Variants in NR6A1 observed in about 807,000 individuals in gnomAD.
NR6A1 encodes the protein retinoic acid receptor-related testis-associated receptor.
NR6A1 carries 7 observed loss-of-function variants against 59.1 expected under a neutral mutation model. The observed-to-expected ratio is 0.12, with a 90% CI of 0.07 to 0.22. NR6A1 has a LOEUF of 0.22. NR6A1 is among the 10% of genes least tolerant of loss of function. The probability of loss-of-function intolerance (pLI) is 1.00; values close to 1 mark genes in which losing one functional copy is unlikely to be tolerated. For missense variants in NR6A1, 468 were observed against 611.6 expected, an observed-to-expected ratio of 0.77 and a Z score of 2.48; for synonymous variants, 243 against 236.1, an observed-to-expected ratio of 1.03 and a Z score of -0.27.
chr9:124,524,248 T>A lies in NR6A1; in HGVS notation c.1354+473A>T, dbSNP rs1183686504. Among the ~76,000 whole-genome samples, 3 of 152,202 alleles carry A rather than the reference T, an allele frequency of 2.0e-5. No individual in the cohort carries two copies. The South Asian group carries it at 6.2e-4, about 31-fold the overall frequency. ...CTGGGATTACAGGCAGGAGCCACTG[T>A]GCCCAGCTAAAGATATCACTTTAAA... On this transcript the variant is annotated intron_variant, in intron 9 of 9. Coordinates refer to ENST00000487099, the MANE Select transcript of NR6A1 (RefSeq NM_033334.4).
intron 1 of NR6A1, among the ~76,000 whole-genome samples, chr9:124,738,301 T>C (rs1026076621): frequency 2.6e-5 from 4 of 152,002 alleles, no homozygotes; most frequent in African/African-American, 7.2e-5. Context: ...GCTTCATAAA[T>C]AAACAAACAT....
At chr9:124,759,364 C>A (rs1840725199) in intron 1 of NR6A1, among the ~76,000 whole-genome samples, 1 of 152,174 alleles carries the variant, frequency 6.6e-6, no homozygotes, top group African/African-American at 2.4e-5. Context: ...ACAGGAGAAC[C>A]ATGTTTCCAA....
intron 2 of NR6A1, among the ~76,000 whole-genome samples, chr9:124,676,063 T>C (rs1032297780): frequency 2.6e-5 from 4 of 152,118 alleles, no homozygotes; most frequent in Non-Finnish European, 4.4e-5. Flanking sequence ...AAGGTGTGAA[T>C]TGCCCCTCTG....
At chr9:124,553,938 T>C (rs574646001) in intron 3 of NR6A1, among the ~76,000 whole-genome samples, 1 of 152,288 alleles carries the variant, frequency 6.6e-6, no homozygotes, top group Admixed American at 6.5e-5. Flanking sequence ...ATGCCTAGCC[T>C]CTGAGTACAC....
intron 2 of NR6A1, among the ~76,000 whole-genome samples, chr9:124,565,024 C>G (rs1049259406): frequency 6.6e-6 from 1 of 151,884 alleles, no homozygotes; most frequent in Non-Finnish European, 1.5e-5. Flanking sequence ...AAAATGAAAC[C>G]CAATTCTACT....
intron 4 of NR6A1, 136 bp from the exon 5 acceptor site, chr9:124,540,323 C>A (rs933524326): frequency 4.2e-6 from 4 of 951,320 alleles, no homozygotes; most frequent in Non-Finnish European, 6.2e-6. Context: ...TATTCCGGGC[C>A]TCTCACTAAT....
At chr9:124,593,871 C>T (rs1835199093) in intron 2 of NR6A1, among the ~76,000 whole-genome samples, 2 of 152,128 alleles carry the variant, frequency 1.3e-5, no homozygotes, top group South Asian at 4.1e-4. Context: ...ATCCCAACCC[C>T]CATTCTGAAA....
intron 2 of NR6A1, among the ~76,000 whole-genome samples, chr9:124,661,363 C>T (rs28670726): frequency 0.012 from 1,791 of 152,252 alleles, 33 homozygotes; most frequent in African/African-American, 0.041. Flanking sequence ...TGTCCAGGCC[C>T]TCATGCTGCA....
At chr9:124,599,853 C>A (rs1217734593) in intron 2 of NR6A1, among the ~76,000 whole-genome samples, 1 of 152,126 alleles carries the variant, frequency 6.6e-6, no homozygotes, top group Non-Finnish European at 1.5e-5. Flanking sequence ...CACTAAACCA[C>A]GTATCTTGAG....
intron 2 of NR6A1, among the ~76,000 whole-genome samples, chr9:124,590,061 CAAAAAAAA>C (rs71372976): frequency 2.6e-4 from 8 of 30,866 alleles, no homozygotes; most frequent in Admixed American, 1.2e-3. Flanking sequence ...AAGACTCTGT[CAAAAAAAA>C]AAAAAAAAAA....
chr9:124,644,191 C>T (rs571037163), intron 2 of NR6A1, among the ~76,000 whole-genome samples: 2 of 150,944 alleles, frequency 1.3e-5, no homozygotes, highest in South Asian at 2.1e-4. Context: ...CGTGAGCCAC[C>T]GCGCCTGGCC....
intron 2 of NR6A1, among the ~76,000 whole-genome samples, chr9:124,664,745 A>G (rs144150180): frequency 2.4e-4 from 36 of 152,318 alleles, no homozygotes; most frequent in African/African-American, 8.4e-4. Flanking sequence ...CCAGTCATTC[A>G]TCTAATCAAT....
rs551817836 is a variant in NR6A1 at position 124,740,593 on chromosome 9, A to AC, written c.101-7245dup. Among the ~76,000 whole-genome samples, 90 of 152,252 alleles carry AC rather than the reference A, an allele frequency of 5.9e-4. 1 individual carries two copies. The South Asian group carries it at 0.018, about 31-fold the overall frequency. On this transcript the variant is annotated intron_variant, in intron 1 of 9. Coordinates refer to ENST00000487099, the MANE Select transcript of NR6A1 (RefSeq NM_033334.4). ...AGGTTCCTGTGCTTTACACACCACA[A>AC]CCATATCATGATCAGGACCACTAGA...
At chr9:124,556,373 TG>T (rs1390742343) in intron 2 of NR6A1, among the ~76,000 whole-genome samples, 1 of 151,848 alleles carries the variant, frequency 6.6e-6, no homozygotes, top group Non-Finnish European at 1.5e-5. Context: ...CACCAGAAGT[TG>T]GAAGAGGCAA....
At chr9:124,616,761 C>A (rs901999320) in intron 2 of NR6A1, among the ~76,000 whole-genome samples, 2 of 152,068 alleles carry the variant, frequency 1.3e-5, no homozygotes, top group African/African-American at 4.8e-5. Flanking sequence ...GAAAAGGTCA[C>A]TAATAAAAAC....
chr9:124,661,834 C>T (rs1484177443), intron 2 of NR6A1, among the ~76,000 whole-genome samples: 2 of 152,138 alleles, frequency 1.3e-5, no homozygotes, highest in African/African-American at 4.8e-5. Flanking sequence ...TAGTTATACA[C>T]ACCACATTTC....
At chr9:124,694,576 T>C (rs1564241428) in intron 2 of NR6A1, among the ~76,000 whole-genome samples, 1 of 152,234 alleles carries the variant, frequency 6.6e-6, no homozygotes, top group Admixed American at 6.5e-5. Flanking sequence ...TGTACATTTT[T>C]CTTAACAAAA....
At chr9:124,605,325 T>C (rs1425595189) in intron 2 of NR6A1, among the ~76,000 whole-genome samples, 1 of 152,184 alleles carries the variant, frequency 6.6e-6, no homozygotes, top group Admixed American at 6.5e-5. Context: ...AAAACTAACC[T>C]GGGCAACAAA....
intron 2 of NR6A1, among the ~76,000 whole-genome samples, chr9:124,555,460 T>A (rs1459148839): frequency 2.0e-5 from 3 of 152,066 alleles, no homozygotes; most frequent in Non-Finnish European, 4.4e-5. Context: ...ATCAAGAACA[T>A]CGTTATAGAG....
Sources: allele counts gnomAD v4.1 joint callset (sites outside exome capture counted in the v4.1 genomes callset), GRCh38; gene constraint gnomAD v4.1.1; transcripts MANE v1.5; gene names NCBI Gene and HGNC (gene_info 2026-07-23, HGNC 2026-07-21).